Variants in KALRN observed in about 807,000 individuals in gnomAD.
The protein encoded by KALRN is kalirin.
KALRN carries 70 observed loss-of-function variants against 353.7 expected under a neutral mutation model. The observed-to-expected ratio is 0.20, with a 90% confidence interval of 0.16 to 0.24. The LOEUF (loss-of-function observed/expected upper bound fraction) is 0.24. KALRN is among the 10% of genes least tolerant of loss of function. The probability of loss-of-function intolerance (pLI) is 1.00; values close to 1 mark genes in which losing one functional copy is unlikely to be tolerated. For missense variants in KALRN, 2,791 were observed against 3,756.7 expected (o/e 0.74, Z 6.72); for synonymous variants, 1,391 against 1,434.8 (o/e 0.97, Z 0.69).
At chr3:124,694,617 C>T (rs950465919) in intron 53 of KALRN, 114 bp downstream of exon 53, 1 of 1,019,734 alleles carries the variant, frequency 9.8e-7, no homozygotes, top group East Asian at 2.5e-5. Flanking sequence ...AAGAGAATAG[C>T]TGCCCTGGAG....
chr3:124,661,978 G>T (rs1373041388), intron 45 of KALRN, 50 bp downstream of exon 45: 1 of 1,459,548 alleles, frequency 6.9e-7, no homozygotes, highest in Non-Finnish European at 9.6e-7. Flanking sequence ...GACAATAGGA[G>T]TCCAGACTGT....
chr3:124,473,539 G>C (rs1465087634), intron 25 of KALRN, among the ~76,000 whole-genome samples: 2 of 152,138 alleles, frequency 1.3e-5, no homozygotes, highest in African/African-American at 4.8e-5. Context: ...ATATTCTTCT[G>C]TACCTTTTTC....
chr3:124,461,860 C>G (rs2059898557), intron 23 of KALRN, 30 bp from the exon 24 acceptor site: 1 of 1,544,946 alleles, frequency 6.5e-7, no homozygotes, highest in African/African-American at 1.4e-5. Context: ...ATATCTATAT[C>G]CAAGTAAAAG....
At chr3:124,243,623 C>T (rs1372859369) in intron 3 of KALRN, among the ~76,000 whole-genome samples, 1 of 152,080 alleles carries the variant, frequency 6.6e-6, no homozygotes, top group Non-Finnish European at 1.5e-5. Context: ...GGAACAATAG[C>T]AGAGAAAGAA....
At chr3:124,426,328 CTT>C (rs2093018586) in intron 15 of KALRN, among the ~76,000 whole-genome samples, 1 of 152,020 alleles carries the variant, frequency 6.6e-6, no homozygotes, top group Non-Finnish European at 1.5e-5. Context: ...TTGAGAGTCT[CTT>C]TTGAATATAG....
intron 49 of KALRN, chr3:124,677,624 C>T (rs1254566688): frequency 2.2e-6 from 1 of 456,198 alleles, no homozygotes; most frequent in Non-Finnish European, 4.4e-6. Flanking sequence ...GAGTGGTGCT[C>T]AACTGTTTAT....
At chr3:124,288,551 C>T (rs971387554) in intron 5 of KALRN, among the ~76,000 whole-genome samples, 1 of 152,054 alleles carries the variant, frequency 6.6e-6, no homozygotes, top group African/African-American at 2.4e-5. Context: ...GCCTCAAATA[C>T]CTGGTTAGGA....
intron 23 of KALRN, among the ~76,000 whole-genome samples, chr3:124,458,404 A>G (rs2107629886): frequency 6.6e-6 from 1 of 151,850 alleles, no homozygotes; most frequent in East Asian, 1.9e-4. Context: ...TTTAAAATCC[A>G]GCTCATATCC....
At chr3:124,092,674 C>A (rs1383176166) in intron 1 of KALRN, among the ~76,000 whole-genome samples, 1 of 152,170 alleles carries the variant, frequency 6.6e-6, no homozygotes, top group Non-Finnish European at 1.5e-5. Context: ...TCTCTTAGTG[C>A]CCCAGAAACT....
At chr3:124,452,469 A>G (rs2058883923) in intron 21 of KALRN, among the ~76,000 whole-genome samples, 1 of 152,220 alleles carries the variant, frequency 6.6e-6, no homozygotes, top group African/African-American at 2.4e-5. Context: ...AAATAGAAGC[A>G]TGTATGTGAT....
At chr3:124,085,892 G>C (rs1404887779) in intron 1 of KALRN, among the ~76,000 whole-genome samples, 4 of 152,166 alleles carry the variant, frequency 2.6e-5, no homozygotes, top group Non-Finnish European at 5.9e-5. Flanking sequence ...AATACATATT[G>C]ATAGTGTGTA....
intron 51 of KALRN, among the ~76,000 whole-genome samples, chr3:124,692,208 T>C (rs1293816183): frequency 6.6e-6 from 1 of 152,226 alleles, no homozygotes; most frequent in East Asian, 1.9e-4. Flanking sequence ...TGAGAACCAC[T>C]GATTTAAAGA....
At chr3:124,189,913 T>A (rs2074694965) in intron 1 of KALRN, among the ~76,000 whole-genome samples, 1 of 134,324 alleles carries the variant, frequency 7.4e-6, no homozygotes, top group Non-Finnish European at 1.5e-5. Flanking sequence ...CACTCCAGCC[T>A]GGCAACAGAG....
chr3:124,444,416 T>C (rs1329041295), intron 19 of KALRN, among the ~76,000 whole-genome samples: 2 of 152,158 alleles, frequency 1.3e-5, no homozygotes, highest in Non-Finnish European at 1.5e-5. Flanking sequence ...AGAGATCAGT[T>C]GGGGAGTGAG....
chr3:124,378,740 C>T (rs146406014), intron 10 of KALRN, among the ~76,000 whole-genome samples: 42 of 151,998 alleles, frequency 2.8e-4, no homozygotes, highest in African/African-American at 9.4e-4. Flanking sequence ...GATGTTGCTC[C>T]ACTGTCTGCT....
chr3:124,638,580 T>C (rs1204754093), intron 37 of KALRN, among the ~76,000 whole-genome samples: 4 of 152,228 alleles, frequency 2.6e-5, no homozygotes, highest in Admixed American at 6.5e-5. Context: ...TCATCCTTTT[T>C]CTTTCTTTTT....
At chr3:124,075,768 G>A (rs2060229737) in intron 1 of KALRN, among the ~76,000 whole-genome samples, 1 of 152,154 alleles carries the variant, frequency 6.6e-6, no homozygotes. Flanking sequence ...CTGAAATTTG[G>A]CATTCGGGTT....
intron 21 of KALRN, among the ~76,000 whole-genome samples, chr3:124,448,735 T>C (rs984342892): frequency 6.6e-6 from 1 of 152,128 alleles, no homozygotes; most frequent in East Asian, 1.9e-4. Context: ...GCACAGACCA[T>C]CTCTCCTCCA....
intron 6 of KALRN, among the ~76,000 whole-genome samples, chr3:124,307,203 A>G (rs2077786035): frequency 6.6e-6 from 1 of 152,140 alleles, no homozygotes; most frequent in South Asian, 2.1e-4. Context: ...ATAACATAAA[A>G]ATGTAATATG....
Sources: gnomAD v4.1 joint callset for allele counts (sites outside exome capture counted in the v4.1 genomes callset) on GRCh38, gnomAD v4.1.1 for gene constraint, MANE v1.5 for transcripts, NCBI Gene and HGNC (gene_info 2026-07-23, HGNC 2026-07-21) for gene names.